Variants in DRAM1 observed in about 807,000 individuals in gnomAD.
The protein encoded by DRAM1 is DNA damage-regulated autophagy modulator protein 1.
DRAM1 carries 25 observed loss-of-function variants against 28.5 expected under a neutral mutation model. The ratio of observed to expected loss-of-function variants is 0.88; its 90% CI spans 0.64 to 1.23. DRAM1 has a LOEUF of 1.23. Ranked by LOEUF, DRAM1 falls within the 50% of genes most tolerant of loss-of-function variation. The pLI is 0.00. For missense variants in DRAM1, 249 were observed against 299.2 expected (o/e 0.83, Z 1.24); for synonymous variants, 113 against 114.2 (o/e 0.99, Z 0.07).
At chr12:101,881,856 C>G (rs975101724) in intron 1 of DRAM1, among the ~76,000 whole-genome samples, 2 of 152,126 alleles carry the variant, frequency 1.3e-5, no homozygotes, top group Non-Finnish European at 2.9e-5. Context: ...TGTGATTTAA[C>G]TTATTTATTA....
chr12:101,892,411 T>A (rs1156410333), intron 1 of DRAM1, among the ~76,000 whole-genome samples: 11 of 72,660 alleles, frequency 1.5e-4, no homozygotes, highest in East Asian at 1.3e-3. Context: ...AATTTTTTTT[T>A]TTTTTTTTTT....
intron 5 of DRAM1, among the ~76,000 whole-genome samples, chr12:101,918,241 G>A (rs372763914): frequency 2.0e-5 from 3 of 152,206 alleles, no homozygotes; most frequent in Admixed American, 6.5e-5. Context: ...GAATTATAAT[G>A]TCACTGTCTC....
At chr12:101,901,563 G>GT in intron 3 of DRAM1, 130 bp downstream of exon 3, 1 of 1,155,296 alleles carries the variant, frequency 8.7e-7, no homozygotes, top group East Asian at 2.5e-5. Context: ...CAATAAGTGG[G>GT]TTAGTTTGCT....
At chr12:101,887,526 T>A (rs1213931989) in intron 1 of DRAM1, among the ~76,000 whole-genome samples, 1 of 150,310 alleles carries the variant, frequency 6.7e-6, no homozygotes, top group East Asian at 1.9e-4. Flanking sequence ...TTCTGAAGAC[T>A]TTTTTCTTTT....
chr12:101,910,577 A>G (rs1407295676), intron 4 of DRAM1, among the ~76,000 whole-genome samples: 1 of 151,212 alleles, frequency 6.6e-6, no homozygotes, highest in African/African-American at 2.4e-5. Context: ...TCCCGGGTTC[A>G]AGCAATTCTC....
At chr12:101,890,666 G>C (rs140407216) in intron 1 of DRAM1, among the ~76,000 whole-genome samples, 4 of 152,132 alleles carry the variant, frequency 2.6e-5, no homozygotes, top group Non-Finnish European at 5.9e-5. Flanking sequence ...TGAGAAAAGA[G>C]CAAGGTATTT....
intron 1 of DRAM1, among the ~76,000 whole-genome samples, chr12:101,889,520 G>A (rs12372278): frequency 0.56 from 83,401 of 149,566 alleles, 25,846 homozygotes; most frequent in East Asian, 0.9. Context: ...GGAAGGAAAG[G>A]AAGGAAGGAA....
At chr12:101,899,761 C>T in intron 2 of DRAM1, among the ~76,000 whole-genome samples, 1 of 151,946 alleles carries the variant, frequency 6.6e-6, no homozygotes, top group East Asian at 1.9e-4. Context: ...TAGATTATGG[C>T]CGTCATACTA....
At chr12:101,902,428 A>G (rs1002388680) in intron 3 of DRAM1, among the ~76,000 whole-genome samples, 4 of 152,206 alleles carry the variant, frequency 2.6e-5, no homozygotes, top group African/African-American at 9.7e-5. Flanking sequence ...ACATGAAGAT[A>G]TATCTGTGAC....
intron 5 of DRAM1, 116 bp from the exon 6 acceptor site, chr12:101,919,993 T>C (rs1793601266): frequency 3.3e-6 from 2 of 600,516 alleles, no homozygotes; most frequent in Admixed American, 3.8e-5. Flanking sequence ...CTCAAAGTTC[T>C]GACTTATGCT....
intron 1 of DRAM1, among the ~76,000 whole-genome samples, chr12:101,891,051 C>A (rs542247813): frequency 1.1e-3 from 170 of 152,104 alleles, no homozygotes; most frequent in Middle Eastern, 3.4e-3. Flanking sequence ...GCCCGGCCTG[C>A]CCCCCACATT....
rs934375850 is a variant in DRAM1, at chr12:101,911,770, A to G, written c.521-2404A>G. On this transcript the variant is annotated intron_variant, in intron 4 of 6. Transcript: ENST00000258534. Reference sequence around the variant, plus strand: ...ATTTTTTATATTATTACACATTGAAATGATATCATCAGCAATATTATTTGA... The same window carrying G: ...ATTTTTTATATTATTACACATTGAAGTGATATCATCAGCAATATTATTTGA... 1.3e-4 allele frequency among the ~76,000 whole-genome samples: 19 copies of G among 149,356 alleles called. 1 individual carries two copies. The highest frequency in any genetic ancestry group is 2.6e-4 in the Admixed American group (4 of 15,230).
chr12:101,919,688 C>G (rs936871719), intron 5 of DRAM1, among the ~76,000 whole-genome samples: 1 of 152,192 alleles, frequency 6.6e-6, no homozygotes, highest in African/African-American at 2.4e-5. Context: ...GATGTGTACA[C>G]ACTTTCTTTG....
At chr12:101,883,371 A>G (rs1375364926) in intron 1 of DRAM1, among the ~76,000 whole-genome samples, 1 of 144,682 alleles carries the variant, frequency 6.9e-6, no homozygotes, top group East Asian at 3.3e-4. Context: ...CTGGAGTACA[A>G]TGGCACGATC....
At chr12:101,896,776 G>A (rs989347323) in intron 1 of DRAM1, among the ~76,000 whole-genome samples, 1 of 151,106 alleles carries the variant, frequency 6.6e-6, no homozygotes, top group Admixed American at 6.6e-5. Context: ...CAATAATATT[G>A]TTCAGTTTTC....
rs73376885 is a variant in DRAM1, at chr12:101,901,745, G to A, written c.342+312G>A. Among the ~76,000 whole-genome samples the A allele has an allele frequency of 3.0e-3, 463 of 152,008 alleles. 5 individuals are homozygous for A. The highest frequency in any genetic ancestry group is 9.2e-3 in the African/African-American group (383 of 41,468). On this transcript the variant is annotated intron_variant, in intron 3 of 6. Coordinates refer to ENST00000258534, the MANE Select transcript of DRAM1 (RefSeq NM_018370.3). ...AAATACAAAATTAGCCAGGTGTGGC[G>A]TCACATGCCTGTAATCCCAGCTACT...
chr12:101,909,000 G>A (rs1243829384), intron 4 of DRAM1, among the ~76,000 whole-genome samples: 1 of 93,936 alleles, frequency 1.1e-5, no homozygotes, highest in East Asian at 2.9e-4. Context: ...AGTGGCTCAC[G>A]CCTGTAATCC....
At chr12:101,920,824 T>C (rs1357184742) in intron 6 of DRAM1, among the ~76,000 whole-genome samples, 1 of 152,056 alleles carries the variant, frequency 6.6e-6, no homozygotes, top group Non-Finnish European at 1.5e-5. Context: ...GGCAGGAGAA[T>C]CACTTGAACC....
intron 1 of DRAM1, among the ~76,000 whole-genome samples, chr12:101,894,151 G>T (rs4764665): frequency 0.51 from 77,901 of 151,612 alleles, 20,488 homozygotes; most frequent in East Asian, 0.63. Context: ...AGAGTCTCAT[G>T]CTATTGCCTA....
Sources: gnomAD v4.1 joint callset for allele counts (sites outside exome capture counted in the v4.1 genomes callset) on GRCh38, gnomAD v4.1.1 for gene constraint, MANE v1.5 for transcripts, NCBI Gene and HGNC (gene_info 2026-07-23, HGNC 2026-07-21) for gene names.